Variants in CENATAC observed in about 807,000 individuals in gnomAD.
The protein encoded by CENATAC is coiled-coil domain containing 84.
Under a neutral mutation model 53.7 loss-of-function variants are expected in CENATAC, and 53 were observed. That is an observed-to-expected ratio of 0.99 (90% CI 0.79 to 1.24). The LOEUF (loss-of-function observed/expected upper bound fraction) is 1.24, where lower values mean the gene tolerates loss of function less well. CENATAC is among the 50% of genes most tolerant of loss of function. The pLI is 0.00. For synonymous variants in CENATAC, 156 were observed against 144.6 expected, an observed-to-expected ratio of 1.08 and a Z score of -0.57; for missense variants, 474 against 417.8, an observed-to-expected ratio of 1.13 and a Z score of -1.17.
chr11:118,998,524 A>T lies in CENATAC; in HGVS notation c.215A>T (p.Glu72Val), dbSNP rs782747146. 8.6e-5 allele frequency: 139 copies of T among 1,607,256 alleles called. No individual in the cohort carries two copies. The highest frequency in any genetic ancestry group is 1.1e-4 in the Non-Finnish European group (134 of 1,176,978). The change falls in exon 2 of 11, where the codon GAG becomes GTG. Residue 72 changes from glutamate (E) to valine (V), a missense_variant. Coordinates refer to ENST00000334418, the MANE Select transcript of CENATAC (RefSeq NM_198489.3). ...TGCTGGTGCCTGTGCTGCGGCTGTG[A>T]GGTGCGGGAACACCTGAGCCATGGA... ...RCCWCLCCGC[E>V]VREHLSHGNL...
chr11:119,010,428 A>C, intron 3 of CENATAC: 1 of 277,766 alleles, frequency 3.6e-6, no homozygotes, highest in East Asian at 6.8e-5. Flanking sequence ...AACCAGCCAA[A>C]TATTTGAACA....
chr11:119,015,712 T>C lies in CENATAC; in HGVS notation c.*114T>C, dbSNP rs1943137621. 1 of 1,303,724 alleles carries C rather than the reference T, an allele frequency of 7.7e-7. No homozygotes were observed. Among genetic ancestry groups the C allele is most frequent in the Non-Finnish European group, 1.1e-6 (1 of 916,944 alleles). The allele number at this position is 1,303,724 out of a possible 1,614,324, so 80.8% of individuals were successfully genotyped here. On this transcript the variant is annotated 3_prime_UTR_variant, in exon 11 of 11. Coordinates refer to ENST00000334418, the MANE Select transcript of CENATAC (RefSeq NM_198489.3). ...CTTAGGAAACAGACATACTCATTCATTTGATTTAATAAAGTTTTATTTTTC... is the reference window on the plus strand; with the variant it reads ...CTTAGGAAACAGACATACTCATTCACTTGATTTAATAAAGTTTTATTTTTC...
chr11:119,011,128 G>T (rs1179402577), intron 4 of CENATAC, 93 bp from the exon 5 acceptor site: 1 of 1,078,974 alleles, frequency 9.3e-7, no homozygotes. Context: ...ACTGGTCCAC[G>T]CCTGGGGGTG....
intron 3 of CENATAC, among the ~76,000 whole-genome samples, chr11:119,000,803 C>G (rs944497247): frequency 6.6e-6 from 1 of 151,928 alleles, no homozygotes; most frequent in African/African-American, 2.4e-5. Context: ...TGGGGTTTTG[C>G]TATGTTGCCC....
chr11:119,010,543 A>G (rs1299124243), intron 3 of CENATAC: 6 of 535,474 alleles, frequency 1.1e-5, no homozygotes, highest in African/African-American at 7.6e-5. Context: ...GTCTAAACCT[A>G]TTTTGTTTTG....
intron 7 of CENATAC, chr11:119,012,582 CTTTCCT>C (rs1371994099): frequency 9.0e-6 from 2 of 221,954 alleles, no homozygotes; most frequent in Admixed American, 5.2e-5. Flanking sequence ...GATGCAGATC[CTTTCCT>C]TTTCCATCTC....
Position 119,015,056 on chromosome 11 carries a change from C to A in CENATAC, c.778C>A (p.Pro260Thr), listed in dbSNP as rs1343618505. The change falls in exon 9 of 11, where the codon CCA becomes ACA. Residue 260 changes from proline to threonine, a missense_variant. Transcript: ENST00000334418. ...EYIAGNQEIGPSYEEFLKEKE... is the reference protein window; with the variant it reads ...EYIAGNQEIGTSYEEFLKEKE... ...CATTGCTGGGAACCAAGAAATAGGA[C>A]CATCCTATGAAGAATTTCTTAAAGA... 11 of 1,610,620 alleles carry A rather than the reference C, an allele frequency of 6.8e-6. No individual in the cohort carries two copies. Among genetic ancestry groups the A allele is most frequent in the Non-Finnish European group, 9.3e-6 (11 of 1,178,386 alleles).
chr11:119,015,479 A>G, intron 10 of CENATAC, 40 bp downstream of exon 10: 1 of 1,613,778 alleles, frequency 6.2e-7, no homozygotes, highest in South Asian at 1.1e-5. Context: ...CTACCCATCC[A>G]ACCTCCTTTT....
chr11:119,003,787 T>G (rs1942442320), intron 3 of CENATAC: 1 of 158,324 alleles, frequency 6.3e-6, no homozygotes, highest in Non-Finnish European at 1.4e-5. Context: ...CCTGGCTAAT[T>G]TTTGTAATTG....
intron 9 of CENATAC, 21 bp downstream of exon 9, chr11:119,015,104 G>C: frequency 1.3e-6 from 2 of 1,573,606 alleles, no homozygotes; most frequent in Non-Finnish European, 1.7e-6. Flanking sequence ...TAATTCAAGA[G>C]AGGATCGTCT....
Position 119,007,687 on chromosome 11 carries a change from A to G in CENATAC, c.384-3077A>G, listed in dbSNP as rs181963540. Among the ~76,000 whole-genome samples the G allele has an allele frequency of 6.6e-5, 10 of 152,122 alleles. No individual in the cohort carries two copies. The East Asian group carries it at 1.9e-3, about 29-fold the overall frequency. On this transcript the variant is annotated intron_variant, in intron 3 of 10. Coordinates refer to ENST00000334418, the MANE Select transcript of CENATAC (RefSeq NM_198489.3). ...TATTTTTTGTAGAGACAGGGTCACT[A>G]TGTTGCCTGAGCTGGTCTCAAACTC... is the stretch of plus-strand genomic sequence containing the variant.
At position 119,015,558 on chromosome 11, in the gene CENATAC, C is replaced by T. The variant is rs1256236275; in HGVS notation, c.959C>T (p.Ala320Val). 1.9e-6 allele frequency: 3 copies of T among 1,614,138 alleles called. No individual in the cohort carries two copies. Among genetic ancestry groups the T allele is most frequent in the Non-Finnish European group, 2.5e-6 (3 of 1,180,006 alleles). ...TTCAGACATCAATTCAAAACTGAAG[C>T]TGCAGCAATGAAGAAGCAGTCACAT... ...WQSRHQFKTEAAAMKKQSHTE... is the reference protein window; with the variant it reads ...WQSRHQFKTEVAAMKKQSHTE... The change falls in exon 11 of 11, where the codon GCT becomes GTT. Residue 320 changes from alanine to valine, a missense_variant. Ala to Val is a moderately conservative substitution (Grantham distance 64, BLOSUM62 0). Transcript: ENST00000334418.
At chr11:119,003,621 C>CTT (rs138779092) in intron 3 of CENATAC, 78,673 of 128,778 alleles carry the variant, frequency 0.61, 25,281 homozygotes, top group East Asian at 0.74. Flanking sequence ...ATTTCTCTCT[C>CTT]TTTTTTTTTT....
intron 3 of CENATAC, among the ~76,000 whole-genome samples, chr11:119,001,157 A>G (rs532662220): frequency 1.3e-5 from 2 of 152,274 alleles, no homozygotes; most frequent in Admixed American, 1.3e-4. Context: ...TTTTACTGTA[A>G]TATGCAATTT....
chr11:119,006,546 T>G (rs541420100), intron 3 of CENATAC, among the ~76,000 whole-genome samples: 1 of 152,246 alleles, frequency 6.6e-6, no homozygotes, highest in Non-Finnish European at 1.5e-5. Context: ...AATTTTTGTA[T>G]TTTTAGTAGA....
At chr11:119,005,415 G>A (rs987004741) in intron 3 of CENATAC, among the ~76,000 whole-genome samples, 3 of 151,090 alleles carry the variant, frequency 2.0e-5, no homozygotes, top group African/African-American at 7.3e-5. Context: ...GCAGTGAGCC[G>A]AGATCATGCC....
At position 119,006,322 on chromosome 11, in the gene CENATAC, G is replaced by A. The variant is rs1218775219; in HGVS notation, c.384-4442G>A. Among the ~76,000 whole-genome samples, 21 of 113,978 alleles carry A rather than the reference G, an allele frequency of 1.8e-4. 1 individual carries two copies. The highest frequency in any genetic ancestry group is 4.9e-4 in the East Asian group (2 of 4,046). The allele number at this position is 113,978 out of a possible 152,430, so 74.8% of individuals were successfully genotyped here. On this transcript the variant is annotated intron_variant, in intron 3 of 10. Transcript: ENST00000334418. ...ACGATCTCGGCTCACTGCAAGCTCC[G>A]CCTCCTGGGTTCACGCCATTCTCCT...
At chr11:119,002,931 A>G (rs1942384574) in intron 3 of CENATAC, 1 of 392,198 alleles carries the variant, frequency 2.5e-6, no homozygotes. Context: ...TATTACAGGC[A>G]TGCGCCACCA....
chr11:119,013,621 G>A (rs560698156), intron 8 of CENATAC, among the ~76,000 whole-genome samples: 49 of 151,968 alleles, frequency 3.2e-4, no homozygotes, highest in African/African-American at 1.0e-3. Context: ...CCGCCACTAC[G>A]CCCAGCTAAT....
Sources: allele counts gnomAD v4.1 joint callset (sites outside exome capture counted in the v4.1 genomes callset), GRCh38; gene constraint gnomAD v4.1.1; transcripts MANE v1.5; gene names NCBI Gene and HGNC (gene_info 2026-07-23, HGNC 2026-07-21).